Variants in AGAP1 observed in about 807,000 individuals in gnomAD.
AGAP1 encodes ArfGAP with GTPase domain, ankyrin repeat and PH domain 1, also known as arf-GAP with GTPase, ANK repeat and PH domain-containing protein 1.
AGAP1 carries 29 observed loss-of-function variants against 105.3 expected under a neutral mutation model. That is an observed-to-expected ratio of 0.28 (90% CI 0.21 to 0.38). The LOEUF is 0.38. AGAP1 is among the 10% of genes least tolerant of loss of function. The pLI is 1.00. For synonymous variants in AGAP1, 509 were observed against 485.9 expected, an observed-to-expected ratio of 1.05 and a Z score of -0.63; for missense variants, 998 against 1,165.1, an observed-to-expected ratio of 0.86 and a Z score of 2.09.
intron 13 of AGAP1, among the ~76,000 whole-genome samples, chr2:236,016,591 A>G (rs1210804478): frequency 6.6e-6 from 1 of 152,146 alleles, no homozygotes; most frequent in Non-Finnish European, 1.5e-5. Context: ...CTGGTGGGTG[A>G]CACGGGACCC....
At chr2:236,022,114 G>A (rs1325950415) in intron 13 of AGAP1, among the ~76,000 whole-genome samples, 4 of 148,968 alleles carry the variant, frequency 2.7e-5, no homozygotes, top group Admixed American at 6.7e-5. Context: ...GGAAGCCAAA[G>A]CTTTCAAATG....
chr2:235,573,029 T>TC lies in AGAP1; in HGVS notation c.163+78181dup, dbSNP rs1559258711. 6.9e-3 allele frequency among the ~76,000 whole-genome samples: 158 copies of TC among 23,040 alleles called. 29 individuals carry two copies. The East Asian group carries it at 0.16, about 24-fold the overall frequency. 15.1% of individuals were successfully genotyped at this position (23,040 alleles called of 152,430 possible). Reference sequence around the variant, plus strand: ...TTCTTCTTCTTCTTCTTCTTCTTCTTCTTCTTCTTCTTCTTCTTCTTCTTC... The same window carrying TC: ...TTCTTCTTCTTCTTCTTCTTCTTCTTCCTTCTTCTTCTTCTTCTTCTTCTTC... On this transcript the variant is annotated intron_variant, in intron 1 of 17. Coordinates refer to ENST00000304032, the MANE Select transcript of AGAP1 (RefSeq NM_001037131.3).
rs1468261447 is a variant in AGAP1 at position 235,842,020 on chromosome 2, A to T, written c.1050+34689A>T. ...GTCACCACTCCATGCAGACGCTGGG[A>T]TACTAAGGTTTTCACCTGCTGCTTC... On this transcript the variant is annotated intron_variant, in intron 9 of 17. Transcript: ENST00000304032. The surrounding 1 kb of genome is among the most constrained non-coding windows in gnomAD (Gnocchi z 5.3). Among the ~76,000 whole-genome samples the T allele has an allele frequency of 6.6e-6, 1 of 152,062 alleles. No homozygotes were observed.
chr2:235,727,646 C>G (rs926063418), intron 3 of AGAP1, among the ~76,000 whole-genome samples: 1 of 152,148 alleles, frequency 6.6e-6, no homozygotes, highest in African/African-American at 2.4e-5. Context: ...GTTTTTACAT[C>G]CTTCCTCCAA....
chr2:236,041,645 T>C (rs1458652831), intron 15 of AGAP1, among the ~76,000 whole-genome samples: 1 of 152,184 alleles, frequency 6.6e-6, no homozygotes, highest in Non-Finnish European at 1.5e-5. Context: ...TCAGATTTTT[T>C]TTGTTAAGTA....
At chr2:235,986,201 A>G (rs1252804549) in intron 13 of AGAP1, among the ~76,000 whole-genome samples, 5 of 151,994 alleles carry the variant, frequency 3.3e-5, no homozygotes, top group African/African-American at 1.2e-4. Context: ...TGTTAGTTGT[A>G]TTCCCAGGTA....
intron 1 of AGAP1, among the ~76,000 whole-genome samples, chr2:235,684,302 C>T (rs572927310): frequency 4.4e-4 from 67 of 152,156 alleles, no homozygotes; most frequent in Non-Finnish European, 8.7e-4. Flanking sequence ...CCTCGGCCTC[C>T]CAAAGTGCTG....
chr2:235,867,169 A>G lies in AGAP1; in HGVS notation c.1051-16176A>G, dbSNP rs2049213082. ...GGAAAAGAATTGAATTTGCCAATTT[A>G]CATTAAAGTTTCTGGCCTCTGATTG... On this transcript the variant is annotated intron_variant, in intron 9 of 17. Transcript: ENST00000304032. The surrounding 1 kb of genome is among the most constrained non-coding windows in gnomAD (Gnocchi z 5.4). 6.6e-6 allele frequency among the ~76,000 whole-genome samples: 1 copy of G among 152,218 alleles called. No individual in the cohort carries two copies. The highest frequency in any genetic ancestry group is 6.5e-5 in the Admixed American group (1 of 15,284).
intron 12 of AGAP1, among the ~76,000 whole-genome samples, chr2:235,947,452 A>G (rs771703546): frequency 6.6e-6 from 1 of 152,222 alleles, no homozygotes; most frequent in Non-Finnish European, 1.5e-5. Context: ...ATATACATAT[A>G]TAACATTTTC....
chr2:235,719,725 T>A lies in AGAP1; in HGVS notation c.310+2081T>A, dbSNP rs1951288368. On this transcript the variant is annotated intron_variant, in intron 3 of 17. Coordinates refer to ENST00000304032, the MANE Select transcript of AGAP1 (RefSeq NM_001037131.3). This position sits in a 1 kb window ranked among gnomAD's most constrained non-coding sequence, Gnocchi z 4.9. ...AGGGGAAAGATCATGATCCCTGACC[T>A]TTTCTCATGCCCTGCAGCAGCCCTC... Among the ~76,000 whole-genome samples, 1 of 152,182 alleles carries A rather than the reference T, an allele frequency of 6.6e-6. No homozygotes were observed. Among genetic ancestry groups the A allele is most frequent in the African/African-American group, 2.4e-5 (1 of 41,464 alleles).
In AGAP1 at chr2:235,586,502, G is replaced by A. The variant is rs1945117282; in HGVS notation, c.163+91653G>A. Reference sequence around the variant, plus strand: ...TTCACAGCAGTCAAGGCTGCCACGAGCAAGTATTTTGAGTGCTCCTTATGT... The same window carrying A: ...TTCACAGCAGTCAAGGCTGCCACGAACAAGTATTTTGAGTGCTCCTTATGT... On this transcript the variant is annotated intron_variant, in intron 1 of 17. Coordinates refer to ENST00000304032, the MANE Select transcript of AGAP1 (RefSeq NM_001037131.3). The surrounding 1 kb of genome is among the most constrained non-coding windows in gnomAD (Gnocchi z 4.2). Among the ~76,000 whole-genome samples the A allele has an allele frequency of 6.6e-6, 1 of 152,238 alleles. No homozygotes were observed. The highest frequency in any genetic ancestry group is 2.4e-5 in the African/African-American group (1 of 41,466).
In AGAP1 at chr2:236,123,494, C is replaced by G. The variant is rs969997950; in HGVS notation, c.2371-425C>G. 3.3e-5 allele frequency among the ~76,000 whole-genome samples: 5 copies of G among 152,130 alleles called. No homozygotes were observed. Among genetic ancestry groups the G allele is most frequent in the Non-Finnish European group, 5.9e-5 (4 of 68,040 alleles). Reference sequence around the variant, plus strand: ...AGAAAACTCATTGAAAGGAAATACACTAATTCACAAAGGTTATCTCTAAGT... The same window carrying G: ...AGAAAACTCATTGAAAGGAAATACAGTAATTCACAAAGGTTATCTCTAAGT... On this transcript the variant is annotated intron_variant, in intron 17 of 17. Transcript: ENST00000304032. This position sits in a 1 kb window ranked among gnomAD's most constrained non-coding sequence, Gnocchi z 4.6.
intron 1 of AGAP1, among the ~76,000 whole-genome samples, chr2:235,592,667 G>T (rs1945387672): frequency 6.6e-6 from 1 of 152,152 alleles, no homozygotes; most frequent in South Asian, 2.1e-4. Flanking sequence ...GCAGGGAGGG[G>T]AGACCTCAGT....
intron 1 of AGAP1, among the ~76,000 whole-genome samples, chr2:235,541,782 A>G (rs1306762090): frequency 6.6e-6 from 1 of 152,030 alleles, no homozygotes; most frequent in Non-Finnish European, 1.5e-5. Flanking sequence ...ATATTGCTCA[A>G]TTTTACCTGT....
intron 13 of AGAP1, among the ~76,000 whole-genome samples, chr2:235,990,959 C>T (rs1040057348): frequency 1.3e-5 from 2 of 152,174 alleles, no homozygotes; most frequent in African/African-American, 2.4e-5. Context: ...CAGGGCTCAC[C>T]GAGGAGACCA....
intron 1 of AGAP1, among the ~76,000 whole-genome samples, chr2:235,495,689 T>G (rs1941287181): frequency 6.6e-6 from 1 of 152,268 alleles, no homozygotes; most frequent in Non-Finnish European, 1.5e-5. Context: ...CTGTGCCCTC[T>G]GGATTTCTGG....
chr2:235,877,567 G>A lies in AGAP1; in HGVS notation c.1051-5778G>A, dbSNP rs912674580. ...TCAGAGTGAGTGATTTACATGTTGC[G>A]TCTCCCTCAGCGCTGTCCCCCTTAG... On this transcript the variant is annotated intron_variant, in intron 9 of 17. Transcript: ENST00000304032. The surrounding 1 kb of genome is among the most constrained non-coding windows in gnomAD (Gnocchi z 4.3). Among the ~76,000 whole-genome samples, 26 of 152,250 alleles carry A rather than the reference G, an allele frequency of 1.7e-4. No individual in the cohort carries two copies. Among genetic ancestry groups the A allele is most frequent in the African/African-American group, 5.3e-4 (22 of 41,538 alleles).
rs1187628058 is a variant in AGAP1, at chr2:235,801,946, C to T, written c.957+2424C>T. Among the ~76,000 whole-genome samples the T allele has an allele frequency of 1.3e-5, 2 of 152,136 alleles. No homozygotes were observed. Among genetic ancestry groups the T allele is most frequent in the African/African-American group, 4.8e-5 (2 of 41,424 alleles). On this transcript the variant is annotated intron_variant, in intron 8 of 17. Coordinates refer to ENST00000304032, the MANE Select transcript of AGAP1 (RefSeq NM_001037131.3). The surrounding 1 kb of genome is among the most constrained non-coding windows in gnomAD (Gnocchi z 6.0). ...GGAGAATACCAGCACCTTCCCATCC[C>T]CTCCCTTTATAAGCTCTGGAACTGC...
In AGAP1 at chr2:236,050,752, G is replaced by A. The variant is rs903126205; in HGVS notation, c.2114+1471G>A. Among the ~76,000 whole-genome samples the A allele has an allele frequency of 2.6e-5, 4 of 152,154 alleles. No homozygotes were observed. Among genetic ancestry groups the A allele is most frequent in the African/African-American group, 9.7e-5 (4 of 41,432 alleles). On this transcript the variant is annotated intron_variant, in intron 16 of 17. Coordinates refer to ENST00000304032, the MANE Select transcript of AGAP1 (RefSeq NM_001037131.3). The surrounding 1 kb of genome is among the most constrained non-coding windows in gnomAD (Gnocchi z 4.0). ...ATCTTACTGTTTATATGTAAAAGAA[G>A]CACATTCACTATTTTTAATATCATG... is the stretch of plus-strand genomic sequence containing the variant.
Sources: allele counts gnomAD v4.1 joint callset (sites outside exome capture counted in the v4.1 genomes callset), GRCh38; gene constraint gnomAD v4.1.1; non-coding constraint Gnocchi (gnomAD v3.1); transcripts MANE v1.5; gene names NCBI Gene and HGNC (gene_info 2026-07-23, HGNC 2026-07-21).